Variants in CDC27 observed in about 807,000 individuals in gnomAD.
CDC27 encodes cell division cycle 27.
A neutral mutation model predicts 109.7 loss-of-function variants in CDC27; 27 were observed. The observed-to-expected ratio is 0.25, with a 90% confidence interval of 0.18 to 0.34. The LOEUF is 0.34. CDC27 is among the 10% of genes least tolerant of loss of function. CDC27 has a pLI of 1.00. For missense variants in CDC27, 579 were observed against 960.2 expected (o/e 0.60, Z 5.25); for synonymous variants, 266 against 333.9 (o/e 0.80, Z 2.22).
chr17:47,165,704 T>C (rs531631945), intron 4 of CDC27, among the ~76,000 whole-genome samples: 2 of 152,336 alleles, frequency 1.3e-5, no homozygotes, highest in South Asian at 4.1e-4. Context: ...TGTACTGTCA[T>C]TTGGGTGTTA....
At chr17:47,177,434 G>A (rs573397883) in intron 2 of CDC27, among the ~76,000 whole-genome samples, 2 of 152,106 alleles carry the variant, frequency 1.3e-5, no homozygotes, top group Non-Finnish European at 2.9e-5. Context: ...AAAATTAGGT[G>A]GGCGTGGCCG....
intron 1 of CDC27, among the ~76,000 whole-genome samples, chr17:47,186,677 C>T (rs2064450323): frequency 6.6e-6 from 1 of 152,098 alleles, no homozygotes; most frequent in South Asian, 2.1e-4. Context: ...TAATACTCTT[C>T]TGAGAGGTAG....
rs1205271579 is a variant in CDC27, at chr17:47,129,502, T to C, written c.2051A>G (p.Lys684Arg). 1 of 1,606,566 alleles carries C rather than the reference T, an allele frequency of 6.2e-7. No homozygotes were observed. Among genetic ancestry groups the C allele is most frequent in the South Asian group, 1.1e-5 (1 of 90,596 alleles). ...HIGVVQHALKKSEKALDTLNK... is the reference protein window; with the variant it reads ...HIGVVQHALKRSEKALDTLNK... ...TAGGGTATCCAAAGCCTTCTCTGAT[T>C]TTTTCAGTGCATGTTGAACCTGTAA... The change falls in exon 16 of 19, where the codon AAA (lysine) becomes AGA (arginine). Residue 684 changes from lysine to arginine, a missense_variant. Physicochemically the swap from Lys to Arg is conservative, Grantham distance 26 (BLOSUM62 2). Transcript: ENST00000066544.
At chr17:47,178,362 C>A (rs1195042891) in intron 2 of CDC27, among the ~76,000 whole-genome samples, 2 of 151,090 alleles carry the variant, frequency 1.3e-5, no homozygotes, top group African/African-American at 2.4e-5. Context: ...ATTGTGAGAT[C>A]TCGTGTTCTC....
At chr17:47,163,074 C>T (rs1454492114) in intron 4 of CDC27, among the ~76,000 whole-genome samples, 3 of 151,834 alleles carry the variant, frequency 2.0e-5, no homozygotes, top group African/African-American at 7.3e-5. Flanking sequence ...TTGAGTGATA[C>T]ACACAAAACC....
At chr17:47,134,129 C>T (rs79983326) in intron 14 of CDC27, among the ~76,000 whole-genome samples, 15,802 of 151,840 alleles carry the variant, frequency 0.1, 942 homozygotes, top group South Asian at 0.2. Flanking sequence ...AAACTCTTAG[C>T]CTCAAACAAT....
intron 1 of CDC27, among the ~76,000 whole-genome samples, chr17:47,182,155 A>G (rs1348786781): frequency 6.6e-6 from 1 of 152,234 alleles, no homozygotes; most frequent in Non-Finnish European, 1.5e-5. Flanking sequence ...AATGTATGTC[A>G]TCCTCCCACA....
intron 4 of CDC27, among the ~76,000 whole-genome samples, chr17:47,168,811 G>A (rs1037020615): frequency 2.6e-5 from 4 of 151,794 alleles, no homozygotes; most frequent in African/African-American, 9.7e-5. Flanking sequence ...ACATTTTCAA[G>A]GTTTTGAAAA....
rs967091488 is a variant in CDC27 at position 47,153,578 on chromosome 17, T to C, written c.957+1094A>G. On this transcript the variant is annotated intron_variant, in intron 8 of 18. Transcript: ENST00000066544. ...AAACAACTATAAGAAGAAACATGTT[T>C]CTATTAAGGTAAAGAGAGTATAACT... 2.6e-5 allele frequency among the ~76,000 whole-genome samples: 4 copies of C among 152,214 alleles called. No individual in the cohort carries two copies. In the East Asian group the frequency reaches 7.7e-4, roughly 29 times the overall value.
Position 47,157,268 on chromosome 17 carries a change from G to C in CDC27, c.592C>G (p.Pro198Ala), listed in dbSNP as rs1438309829. ...GGTGTTTCCGTAAGAACTGTCTCAGGCTGTCTGTGAGATAAACTATGATTA... is the reference window on the plus strand; with the variant it reads ...GGTGTTTCCGTAAGAACTGTCTCAGCCTGTCTGTGAGATAAACTATGATTA... The part of the protein sequence containing the change: ...VPNHSLSHRQ[P>A]ETVLTETPQD... Residue 198 changes from proline (P) to alanine (A), a missense_variant, in exon 6 of 19, where the codon CCT becomes GCT. By Grantham distance (27) the Pro-to-Ala change is conservative. Coordinates refer to ENST00000066544, the MANE Select transcript of CDC27 (RefSeq NM_001256.6). 4 of 1,612,786 alleles carry C rather than the reference G, an allele frequency of 2.5e-6. No homozygotes were observed. The South Asian group carries it at 3.3e-5, about 13-fold the overall frequency.
chr17:47,146,856 G>A (rs572206752), intron 9 of CDC27, among the ~76,000 whole-genome samples: 1 of 152,174 alleles, frequency 6.6e-6, no homozygotes, highest in East Asian at 1.9e-4. Context: ...CTTGAGGCCA[G>A]GAGTTTGAGA....
rs11570573 is a variant in CDC27 at position 47,121,929 on chromosome 17, G to A, written c.2392+515C>T. On this transcript the variant is annotated intron_variant, in intron 18 of 18. Coordinates refer to ENST00000066544, the MANE Select transcript of CDC27 (RefSeq NM_001256.6). ...TAATTTTTGTATTTTTAGTAGAGACGAGGTTTCACCATGTTGGTCAGCTGG... is the reference window on the plus strand; with the variant it reads ...TAATTTTTGTATTTTTAGTAGAGACAAGGTTTCACCATGTTGGTCAGCTGG... Among the ~76,000 whole-genome samples the A allele has an allele frequency of 1.5e-3, 229 of 151,932 alleles. 1 individual carries two copies. The highest frequency in any genetic ancestry group is 5.4e-3 in the African/African-American group (223 of 41,430).
chr17:47,121,201 A>G (rs1316065429), intron 18 of CDC27, among the ~76,000 whole-genome samples, 184 bp from the exon 19 acceptor site: 1 of 152,114 alleles, frequency 6.6e-6, no homozygotes, highest in African/African-American at 2.4e-5. Flanking sequence ...AATAGGTCTG[A>G]TATTAGCTTA....
intron 4 of CDC27, among the ~76,000 whole-genome samples, chr17:47,166,587 C>T (rs1710638532): frequency 2.0e-5 from 3 of 152,038 alleles, no homozygotes; most frequent in Admixed American, 2.0e-4. Flanking sequence ...TTTCTGTTTG[C>T]AATTTCACTG....
chr17:47,122,395 T>G (rs754301319), intron 18 of CDC27, 49 bp downstream of exon 18: 1 of 1,306,406 alleles, frequency 7.7e-7, no homozygotes, highest in South Asian at 1.6e-5. Flanking sequence ...CAAATCCTTA[T>G]GCAAAAGGTA....
intron 15 of CDC27, among the ~76,000 whole-genome samples, chr17:47,130,157 C>T (rs974752740): frequency 2.0e-5 from 3 of 152,002 alleles, no homozygotes; most frequent in African/African-American, 7.3e-5. Flanking sequence ...GTCAGGAGAT[C>T]GAGACCATCC....
rs112006064 is a variant in CDC27 at position 47,168,014 on chromosome 17, G to C, written c.377+1903C>G. 1.7e-3 allele frequency among the ~76,000 whole-genome samples: 262 copies of C among 152,338 alleles called. 1 individual carries two copies. The highest frequency in any genetic ancestry group is 5.9e-3 in the African/African-American group (247 of 41,574). ...AAGAGTGCATAGGGCGAGGCATGGG[G>C]AAAGAGAGGTGCGGAGCTTCCATGG... On this transcript the variant is annotated intron_variant, in intron 4 of 18. Coordinates refer to ENST00000066544, the MANE Select transcript of CDC27 (RefSeq NM_001256.6).
chr17:47,179,770 C>G (rs2064153846), intron 2 of CDC27, among the ~76,000 whole-genome samples: 1 of 152,100 alleles, frequency 6.6e-6, no homozygotes, highest in Non-Finnish European at 1.5e-5. Flanking sequence ...TTCCAAGTGC[C>G]AAGCATTGTA....
intron 9 of CDC27, among the ~76,000 whole-genome samples, chr17:47,150,484 C>T (rs959848413): frequency 1.3e-5 from 2 of 152,168 alleles, no homozygotes; most frequent in African/African-American, 4.8e-5. Flanking sequence ...GTTATACTGT[C>T]ACATGCTAAA....
Sources: allele counts gnomAD v4.1 joint callset (sites outside exome capture counted in the v4.1 genomes callset), GRCh38; gene constraint gnomAD v4.1.1; transcripts MANE v1.5; gene names NCBI Gene and HGNC (gene_info 2026-07-23, HGNC 2026-07-21).